Variants in ZDHHC11 observed in about 807,000 individuals in gnomAD.
The protein encoded by ZDHHC11 is palmitoyltransferase ZDHHC11.
A neutral mutation model predicts 51.3 loss-of-function variants in ZDHHC11; 44 were observed. The ratio of observed to expected loss-of-function variants is 0.86; its 90% confidence interval spans 0.67 to 1.10. The LOEUF (loss-of-function observed/expected upper bound fraction) is 1.10, where lower values mean the gene tolerates loss of function less well. Ranked by LOEUF, ZDHHC11 falls within the 50% of genes least tolerant of loss-of-function variation. The probability of loss-of-function intolerance (pLI) is 0.00; values close to 1 mark genes in which losing one functional copy is unlikely to be tolerated. For missense variants in ZDHHC11, 400 were observed against 537.7 expected (o/e 0.74, Z 2.53); for synonymous variants, 163 against 222.0 (o/e 0.73, Z 2.36).
chr5:812,030 G>A (rs1208591925), intron 11 of ZDHHC11, among the ~76,000 whole-genome samples: 2 of 140,830 alleles, frequency 1.4e-5, no homozygotes, highest in African/African-American at 5.6e-5. Context: ...TTTCATAAAC[G>A]AGGTGGTAAC....
upstream of ZDHHC11, among the ~76,000 whole-genome samples, chr5:852,743 G>T (rs1377467499): frequency 7.0e-6 from 1 of 143,266 alleles, no homozygotes; most frequent in South Asian, 2.3e-4. Flanking sequence ...CAGCAAACCG[G>T]GGGACAGACC....
In ZDHHC11 at chr5:809,014, C is replaced by CACACACACACACACACACACAT. The variant is rs1554050773; in HGVS notation, c.1181+5746_1181+5747insATGTGTGTGTGTGTGTGTGTGT. Among the ~76,000 whole-genome samples, 176 of 139,050 alleles carry CACACACACACACACACACACAT rather than the reference C, an allele frequency of 1.3e-3. 7 individuals are homozygous for CACACACACACACACACACACAT. Among genetic ancestry groups the CACACACACACACACACACACAT allele is most frequent in the East Asian group, 0.01 (48 of 4,798 alleles). The allele number at this position is 139,050 out of a possible 152,430, so 91.2% of individuals were successfully genotyped here. A position where few individuals can be genotyped will look rare whatever the true frequency, so the allele number is the denominator to read the frequency against. On this transcript the variant is annotated intron_variant, in intron 11 of 12. Coordinates refer to ENST00000283441, the MANE Select transcript of ZDHHC11 (RefSeq NM_024786.3). ...ACACACACACACACACACACACACA[C>CACACACACACACACACACACAT]GCACACTATTTATTCCCCACCTGTC...
upstream of ZDHHC11, chr5:851,031 CCCA>C (rs1301111400): frequency 4.5e-6 from 1 of 221,116 alleles, no homozygotes; most frequent in Non-Finnish European, 8.9e-6. Flanking sequence ...AAGAAGAAAA[CCCA>C]CGTCAGAAAG....
At chr5:808,701 A>ATTTTTTTTT (rs1161740691) in intron 11 of ZDHHC11, among the ~76,000 whole-genome samples, 1 of 129,262 alleles carries the variant, frequency 7.7e-6, no homozygotes. Flanking sequence ...AACCTAGCTA[A>ATTTTTTTTT]TTTTTTTTTT....
rs554620573 is a variant in ZDHHC11 at position 825,388 on chromosome 5, C to T, written c.936-137G>A. 8.1e-6 allele frequency: 7 copies of T among 866,084 alleles called. No individual in the cohort carries two copies. The Admixed American group carries it at 1.1e-4, about 13-fold the overall frequency. The allele number at this position is 866,084 out of a possible 1,614,324, so 53.6% of individuals were successfully genotyped here. On this transcript the variant is annotated intron_variant, in intron 7 of 12. Transcript: ENST00000283441. The stretch of plus-strand genomic sequence containing the variant: ...GTCTCAGAAACTTGTAGACCAGCAG[C>T]TCCTGGGAGGTTGTCTAAGTACTCC...
chr5:858,109 T>C (rs1257665059), intron 1 of ZDHHC11, among the ~76,000 whole-genome samples: 19 of 134,174 alleles, frequency 1.4e-4, no homozygotes, highest in East Asian at 4.7e-4. Flanking sequence ...GAGTCTGTCC[T>C]GGTCCCCGTC....
At chr5:840,866 GGA>G in intron 4 of ZDHHC11, 1 of 1,445,696 alleles carries the variant, frequency 6.9e-7, no homozygotes, top group South Asian at 1.4e-5. Flanking sequence ...TATGGATCTG[GGA>G]GGTGAGGCTC....
In ZDHHC11 at chr5:795,865, C is replaced by A. The variant is rs1191779239; in HGVS notation, c.*723G>T. 4.7e-5 allele frequency: 7 copies of A among 149,626 alleles called. 1 individual carries two copies. The highest frequency in any genetic ancestry group is 1.0e-4 in the Non-Finnish European group (7 of 67,202). 9.3% of individuals were successfully genotyped at this position (149,626 alleles called of 1,614,324 possible). ...AGTACTATGCTCCCATTTCCGAGTA[C>A]TGTGAACTCCCCTTTCCCAGTACTG... On this transcript the variant is annotated 3_prime_UTR_variant, in exon 13 of 13. Transcript: ENST00000283441.
Position 825,108 on chromosome 5 carries a change from A to G in ZDHHC11, c.1023+56T>C. ...ACCTCAGCTTGGGGGACCCGAGACC[A>G]CATATTCTGCACACGGCCCTGACCT... On this transcript the variant is annotated intron_variant, in intron 8 of 12. Coordinates refer to ENST00000283441, the MANE Select transcript of ZDHHC11 (RefSeq NM_024786.3). The G allele has an allele frequency of 1.3e-6, 2 of 1,548,608 alleles. 1 individual carries two copies. The highest frequency in any genetic ancestry group is 1.8e-6 in the Non-Finnish European group (2 of 1,121,122).
chr5:840,331 T>C lies in ZDHHC11; in HGVS notation c.784+164A>G, dbSNP rs1275047264. On this transcript the variant is annotated intron_variant, in intron 5 of 12. Transcript: ENST00000283441. Reference sequence around the variant, plus strand: ...TGCCCTTTTTGTCCATGATCTCACTTCTGGGAGAGGCTGACCCTGAACACA... The same window carrying C: ...TGCCCTTTTTGTCCATGATCTCACTCCTGGGAGAGGCTGACCCTGAACACA... 4 of 1,005,464 alleles carry C rather than the reference T, an allele frequency of 4.0e-6. No individual in the cohort carries two copies. In the Admixed American group the frequency reaches 5.9e-5, roughly 15 times the overall value. The allele number at this position is 1,005,464 out of a possible 1,614,324, so 62.3% of individuals were successfully genotyped here. A position where few individuals can be genotyped will look rare whatever the true frequency, so the allele number is the denominator to read the frequency against.
At chr5:814,671 T>G (rs572971991) in intron 11 of ZDHHC11, 90 bp downstream of exon 11, 10 of 1,320,610 alleles carry the variant, frequency 7.6e-6, no homozygotes, top group Non-Finnish European at 1.0e-5. Context: ...TATTTGAACA[T>G]GTTAAATAGA....
chr5:836,790 G>T lies in ZDHHC11; in HGVS notation c.900+575C>A, dbSNP rs1272815643. On this transcript the variant is annotated intron_variant, in intron 6 of 12. Transcript: ENST00000283441. ...AAAATCATGTTTCAGGCCAGGTACA[G>T]TGACTCATGCTTGTAATCCCAGCAC... is the stretch of plus-strand genomic sequence containing the variant. Among the ~76,000 whole-genome samples the T allele has an allele frequency of 3.3e-5, 5 of 150,174 alleles. 1 individual carries two copies. Among genetic ancestry groups the T allele is most frequent in the Non-Finnish European group, 7.4e-5 (5 of 67,360 alleles).
chr5:829,813 C>T lies in ZDHHC11; in HGVS notation c.935+3960G>A, dbSNP rs552013247. On this transcript the variant is annotated intron_variant, in intron 7 of 12. Coordinates refer to ENST00000283441, the MANE Select transcript of ZDHHC11 (RefSeq NM_024786.3). ...CACCATGGTCAAGTGGGTTTCATAC[C>T]ACGTATGCAGGAATGGTTTAATATA... is the stretch of plus-strand genomic sequence containing the variant. Among the ~76,000 whole-genome samples the T allele has an allele frequency of 4.6e-5, 7 of 151,518 alleles. No homozygotes were observed. In the South Asian group the frequency reaches 1.3e-3, roughly 27 times the overall value.
At chr5:825,076 T>A in intron 8 of ZDHHC11, 88 bp downstream of exon 8, 1 of 1,344,044 alleles carries the variant, frequency 7.4e-7, no homozygotes, top group Non-Finnish European at 1.1e-6. Context: ...TTCTGAATAC[T>A]GCCTTAACCT....
intron 1 of ZDHHC11, among the ~76,000 whole-genome samples, chr5:849,013 G>C (rs1402636036): frequency 6.6e-6 from 1 of 151,636 alleles, no homozygotes; most frequent in African/African-American, 2.4e-5. Context: ...TGCTCATCCA[G>C]TCTTGCACAC....
intron 12 of ZDHHC11, among the ~76,000 whole-genome samples, chr5:797,799 T>TG (rs1329946251): frequency 3.3e-5 from 5 of 151,260 alleles, no homozygotes; most frequent in Admixed American, 6.6e-5. Context: ...TCACATGTGG[T>TG]GGGTTGTTTT....
chr5:801,734 G>C (rs747136683), intron 11 of ZDHHC11, among the ~76,000 whole-genome samples: 2 of 151,190 alleles, frequency 1.3e-5, no homozygotes, highest in South Asian at 2.1e-4. Flanking sequence ...GTTGGAGATC[G>C]GGCTTAACTT....
chr5:841,132 CTTA>C (rs1273204413), intron 4 of ZDHHC11: 1 of 950,352 alleles, frequency 1.1e-6, no homozygotes, highest in Admixed American at 9.1e-5. Flanking sequence ...CCATCCCTTC[CTTA>C]TTTAGTGCCA....
chr5:841,500 CCCTT>C lies in ZDHHC11; in HGVS notation c.629-854_629-851del, dbSNP rs1260610150. ...TAAGTGCCAGGGTCACAGCACCCAT[CCCTT>C]CCTTATTTAGTGCCAGGGTCACGGT... On this transcript the variant is annotated intron_variant, in intron 4 of 12. Coordinates refer to ENST00000283441, the MANE Select transcript of ZDHHC11 (RefSeq NM_024786.3). 6 of 989,252 alleles carry C rather than the reference CCCTT, an allele frequency of 6.1e-6. No individual in the cohort carries two copies. The Admixed American group carries it at 1.8e-4, about 30-fold the overall frequency. The allele number at this position is 989,252 out of a possible 1,614,324, so 61.3% of individuals were successfully genotyped here.
Sources: allele counts gnomAD v4.1 joint callset (sites outside exome capture counted in the v4.1 genomes callset), GRCh38; gene constraint gnomAD v4.1.1; transcripts MANE v1.5; gene names NCBI Gene and HGNC (gene_info 2026-07-23, HGNC 2026-07-21).